Variants in CPNE4 observed in about 807,000 individuals in gnomAD.
CPNE4 encodes the protein copine 4.
A neutral mutation model predicts 67.9 loss-of-function variants in CPNE4; 25 were observed. The ratio of observed to expected loss-of-function variants is 0.37; its 90% CI spans 0.27 to 0.51. The LOEUF (loss-of-function observed/expected upper bound fraction) is 0.51. Among genes scored for constraint, CPNE4 ranks in the 20% least tolerant of loss-of-function variants. The pLI, the probability that CPNE4 is intolerant of heterozygous loss-of-function variation, is 0.93. For missense variants in CPNE4, 464 were observed against 690.8 expected (o/e 0.67, Z 3.68); for synonymous variants, 242 against 244.9 (o/e 0.99, Z 0.11).
At chr3:132,035,083 G>C (rs1016561364), upstream of CPNE4, 1 of 984,868 alleles carries the variant, frequency 1.0e-6, no homozygotes, top group Non-Finnish European at 1.2e-6. Context: ...CCCCCTGGGG[G>C]TTGCTGACGG....
chr3:131,718,455 G>A (rs766037025), intron 3 of CPNE4, among the ~76,000 whole-genome samples: 7 of 152,038 alleles, frequency 4.6e-5, no homozygotes, highest in African/African-American at 7.3e-5. Flanking sequence ...TCACTTGACC[G>A]CTCACCCACG....
At chr3:131,652,377 C>A (rs2079835756) in intron 7 of CPNE4, among the ~76,000 whole-genome samples, 1 of 152,174 alleles carries the variant, frequency 6.6e-6, no homozygotes, top group Non-Finnish European at 1.5e-5. Context: ...GATCTGTAGT[C>A]TATTTCTTAA....
intron 8 of CPNE4, among the ~76,000 whole-genome samples, chr3:131,584,178 G>A (rs1938026063): frequency 6.6e-6 from 1 of 152,064 alleles, no homozygotes. Context: ...AGATTCCTCA[G>A]GGTTCGAGCC....
chr3:132,009,622 G>A (rs1218803459), intron 1 of CPNE4, among the ~76,000 whole-genome samples: 2 of 152,166 alleles, frequency 1.3e-5, no homozygotes, highest in African/African-American at 2.4e-5. Flanking sequence ...CAGGCAGGGA[G>A]AATGACCCAG....
chr3:131,808,805 G>T (rs1313619216), intron 2 of CPNE4, among the ~76,000 whole-genome samples: 1 of 152,150 alleles, frequency 6.6e-6, no homozygotes, highest in Non-Finnish European at 1.5e-5. Context: ...AAATGGAAAA[G>T]AATAAAATTA....
At chr3:131,906,022 A>T (rs564300829) in intron 1 of CPNE4, among the ~76,000 whole-genome samples, 1 of 152,196 alleles carries the variant, frequency 6.6e-6, no homozygotes, top group East Asian at 1.9e-4. Flanking sequence ...GCACTAGCCC[A>T]TTCTCACCTT....
chr3:131,792,867 A>G (rs1000501338), intron 2 of CPNE4, among the ~76,000 whole-genome samples: 1 of 146,556 alleles, frequency 6.8e-6, no homozygotes, highest in Non-Finnish European at 1.5e-5. Flanking sequence ...ATACACACAT[A>G]TATATTTACA....
intron 1 of CPNE4, among the ~76,000 whole-genome samples, chr3:131,942,937 T>C (rs2071442623): frequency 6.6e-6 from 1 of 152,166 alleles, no homozygotes. Context: ...CACCTATTTG[T>C]ATGTCTCTGG....
chr3:131,599,806 G>C (rs1177452377), intron 7 of CPNE4, among the ~76,000 whole-genome samples: 1 of 152,186 alleles, frequency 6.6e-6, no homozygotes, highest in Non-Finnish European at 1.5e-5. Flanking sequence ...GCACAGCTAA[G>C]TAAAGTCTGG....
At chr3:131,784,947 G>A (rs150811548) in intron 2 of CPNE4, among the ~76,000 whole-genome samples, 1 of 152,160 alleles carries the variant, frequency 6.6e-6, no homozygotes, top group African/African-American at 2.4e-5. Context: ...GAAAGAACTT[G>A]GGATTTAGAG....
intron 1 of CPNE4, among the ~76,000 whole-genome samples, chr3:132,006,567 A>G (rs1344769866): frequency 6.6e-6 from 1 of 151,946 alleles, no homozygotes; most frequent in Non-Finnish European, 1.5e-5. Context: ...AAATCATACA[A>G]CTCGAAATCT....
At chr3:131,653,296 C>A (rs762804084) in intron 7 of CPNE4, among the ~76,000 whole-genome samples, 5 of 151,740 alleles carry the variant, frequency 3.3e-5, no homozygotes, top group Non-Finnish European at 7.4e-5. Flanking sequence ...AGGTTCTTGC[C>A]ACCACGCCTG....
At chr3:131,697,970 T>C (rs6779669) in intron 4 of CPNE4, among the ~76,000 whole-genome samples, 20,857 of 152,044 alleles carry the variant, frequency 0.14, 1,653 homozygotes, top group African/African-American at 0.2. Flanking sequence ...CAGTGGCTCA[T>C]GCCTGTAATC....
intron 7 of CPNE4, among the ~76,000 whole-genome samples, chr3:131,661,235 T>C (rs893333918): frequency 6.6e-6 from 1 of 152,184 alleles, no homozygotes; most frequent in Non-Finnish European, 1.5e-5. Flanking sequence ...TTAGCTGTTT[T>C]TTAAATACTG....
At chr3:131,930,564 C>T (rs773377006) in intron 1 of CPNE4, among the ~76,000 whole-genome samples, 8 of 152,248 alleles carry the variant, frequency 5.3e-5, no homozygotes, top group South Asian at 4.1e-4. Flanking sequence ...GTCCTTGGTA[C>T]ATTTTATACC....
intron 11 of CPNE4, among the ~76,000 whole-genome samples, chr3:131,555,827 C>A (rs1228764441): frequency 6.6e-6 from 1 of 152,062 alleles, no homozygotes; most frequent in Non-Finnish European, 1.5e-5. Context: ...AATGGCCCTA[C>A]CCTTTCATCA....
At chr3:131,975,696 A>C (rs561249718) in intron 1 of CPNE4, among the ~76,000 whole-genome samples, 1 of 152,282 alleles carries the variant, frequency 6.6e-6, no homozygotes, top group South Asian at 2.1e-4. Flanking sequence ...TGCTATCCTA[A>C]GGGACTTTGT....
intron 7 of CPNE4, among the ~76,000 whole-genome samples, chr3:131,615,917 ACACACACACACG>A (rs1291589555): frequency 0.022 from 2,168 of 97,314 alleles, 53 homozygotes; most frequent in African/African-American, 0.15. Context: ...ACACACACAC[ACACACACACACG>A]CACACACACA....
chr3:131,924,201 A>G (rs1028454298), intron 1 of CPNE4, among the ~76,000 whole-genome samples: 2 of 152,202 alleles, frequency 1.3e-5, no homozygotes, highest in Non-Finnish European at 2.9e-5. Context: ...TCTCCCTTAC[A>G]GCTGCTAAGT....
Sources: gnomAD v4.1 joint callset for allele counts (sites outside exome capture counted in the v4.1 genomes callset) on GRCh38, gnomAD v4.1.1 for gene constraint, MANE v1.5 for transcripts, NCBI Gene and HGNC (gene_info 2026-07-23, HGNC 2026-07-21) for gene names.